Variants in NXN observed in about 807,000 individuals in gnomAD.
NXN encodes the protein nucleoredoxin.
In NXN, 16 loss-of-function variants were observed where a neutral mutation model predicts 48.6. The ratio of observed to expected loss-of-function variants is 0.33; its 90% confidence interval spans 0.22 to 0.50. The LOEUF is 0.50. Among genes scored for constraint, NXN ranks in the 20% least tolerant of loss-of-function variants. The probability of loss-of-function intolerance (pLI) is 0.98; values close to 1 mark genes in which losing one functional copy is unlikely to be tolerated. For synonymous variants in NXN, 281 were observed against 269.6 expected, an observed-to-expected ratio of 1.04 and a Z score of -0.41; for missense variants, 492 against 605.5, an observed-to-expected ratio of 0.81 and a Z score of 1.97.
At chr17:828,957 C>T (rs188477930) in intron 1 of NXN, among the ~76,000 whole-genome samples, 63 of 152,022 alleles carry the variant, frequency 4.1e-4, no homozygotes, top group Admixed American at 3.0e-3. Flanking sequence ...ACAGCAAAAC[C>T]ACACAAATTG....
At chr17:911,767 A>AT (rs71371591) in intron 1 of NXN, among the ~76,000 whole-genome samples, 11,484 of 142,370 alleles carry the variant, frequency 0.081, 931 homozygotes, top group African/African-American at 0.21. Flanking sequence ...GGCCCGGCCA[A>AT]TTTTTTTTTT....
chr17:952,048 G>A (rs970843091), intron 1 of NXN, among the ~76,000 whole-genome samples: 3 of 152,214 alleles, frequency 2.0e-5, no homozygotes, highest in Non-Finnish European at 2.9e-5. Flanking sequence ...CTGAAAGAAG[G>A]GGCGTTTCCG....
At chr17:854,475 T>C (rs796274172) in intron 1 of NXN, among the ~76,000 whole-genome samples, 1,580 of 147,184 alleles carry the variant, frequency 0.011, 25 homozygotes, top group African/African-American at 0.037. Flanking sequence ...GGTGAAACCC[T>C]GTCTCTACTA....
At chr17:823,035 G>A (rs1376565140) in intron 3 of NXN, among the ~76,000 whole-genome samples, 2 of 151,930 alleles carry the variant, frequency 1.3e-5, no homozygotes, top group African/African-American at 4.8e-5. Flanking sequence ...GGGAGACAGA[G>A]GGTGCGGTGA....
rs923305905 is a variant in NXN at position 978,175 on chromosome 17, C to A, written c.360+1144G>T. 3.9e-5 allele frequency: 6 copies of A among 152,202 alleles called. No homozygotes were observed. Among genetic ancestry groups the A allele is most frequent in the African/African-American group, 1.4e-4 (6 of 41,440 alleles). The allele number at this position is 152,202 out of a possible 1,614,324, so 9.4% of individuals were successfully genotyped here. A position where few individuals can be genotyped will look rare whatever the true frequency, so the allele number is the denominator to read the frequency against. ...GCTCCCCAGAGGAAACTAAACGCCC[C>A]CAGAATAGCCCTTCTGTCCACTCCA... On this transcript the variant is annotated intron_variant, in intron 1 of 7. Coordinates refer to ENST00000336868, the MANE Select transcript of NXN (RefSeq NM_022463.5). The surrounding 1 kb of genome is among the most constrained non-coding windows in gnomAD (Gnocchi z 4.1).
In NXN at chr17:919,627, G is replaced by A. The variant is rs77681877; in HGVS notation, c.360+59692C>T. ...CTCGGAATCCCCGCATTCGTCCCACGCGGCCCTCAGACACGGGCTCTGGTT... is the reference window on the plus strand; with the variant it reads ...CTCGGAATCCCCGCATTCGTCCCACACGGCCCTCAGACACGGGCTCTGGTT... On this transcript the variant is annotated intron_variant, in intron 1 of 7. Coordinates refer to ENST00000336868, the MANE Select transcript of NXN (RefSeq NM_022463.5). The surrounding 1 kb of genome is among the most constrained non-coding windows in gnomAD (Gnocchi z 5.1). 8.3e-3 allele frequency among the ~76,000 whole-genome samples: 1,267 copies of A among 152,116 alleles called. 20 individuals are homozygous for A. Among genetic ancestry groups the A allele is most frequent in the African/African-American group, 0.029 (1,192 of 41,486 alleles).
chr17:964,621 G>A (rs539490801), intron 1 of NXN, among the ~76,000 whole-genome samples: 3 of 152,272 alleles, frequency 2.0e-5, no homozygotes, highest in Non-Finnish European at 2.9e-5. Context: ...TCACCCTCAC[G>A]CCTACATCTG....
At chr17:927,025 AAAGT>A (rs148546277) in intron 1 of NXN, among the ~76,000 whole-genome samples, 14,691 of 152,058 alleles carry the variant, frequency 0.097, 810 homozygotes, top group Middle Eastern at 0.16. Flanking sequence ...AAGAGAAGCA[AAAGT>A]AAGGCCAGGT....
At position 823,641 on chromosome 17, in the gene NXN, G is replaced by A. The variant is rs143140734; in HGVS notation, c.603C>T (p.Ser201=). 4.0e-5 allele frequency: 65 copies of A among 1,613,886 alleles called. 1 individual carries two copies. The African/African-American group carries it at 4.7e-4, about 12-fold the overall frequency. Residue 201 remains serine, a synonymous_variant, in exon 3 of 8, where the codon TCC becomes TCT. Coordinates refer to ENST00000336868, the MANE Select transcript of NXN (RefSeq NM_022463.5). The part of the protein sequence containing the change: ...LEGSHVGVYF[S]AHWCPPCRSL... The stretch of plus-strand genomic sequence containing the variant: ...GGGTCCAAACACTCACCCAATGTGC[G>A]GAGAAATAGACGCCCACGTGAGACC...
At chr17:937,183 C>T (rs2068917012) in intron 1 of NXN, among the ~76,000 whole-genome samples, 1 of 152,074 alleles carries the variant, frequency 6.6e-6, no homozygotes, top group South Asian at 2.1e-4. Context: ...GGGGTTTCAT[C>T]ATGTTGGCCG....
At chr17:818,729 C>G (rs1160922882) in intron 5 of NXN, among the ~76,000 whole-genome samples, 1 of 151,934 alleles carries the variant, frequency 6.6e-6, no homozygotes, top group Non-Finnish European at 1.5e-5. Flanking sequence ...ACTAAAAATA[C>G]AAAAAATTTA....
intron 1 of NXN, among the ~76,000 whole-genome samples, chr17:876,972 CG>C (rs1233658120): frequency 6.6e-6 from 1 of 151,696 alleles, no homozygotes; most frequent in Non-Finnish European, 1.5e-5. Flanking sequence ...GGTGTGAACT[CG>C]GGAGGCTGAG....
chr17:904,299 C>T (rs200796989), intron 1 of NXN, among the ~76,000 whole-genome samples: 1 of 105,702 alleles, frequency 9.5e-6, no homozygotes, highest in African/African-American at 4.2e-5. Context: ...ACGTCGGACG[C>T]CGTCCGGCTT....
chr17:909,004 CAGG>C (rs1299354092), intron 1 of NXN, among the ~76,000 whole-genome samples: 1 of 147,906 alleles, frequency 6.8e-6, no homozygotes, highest in African/African-American at 2.5e-5. Flanking sequence ...TACTCGGGGG[CAGG>C]AGAAGTGCTT....
At chr17:896,854 A>AGCGGGGG in intron 1 of NXN, 1 of 908,608 alleles carries the variant, frequency 1.1e-6, no homozygotes. Context: ...CGCGGTCCTG[A>AGCGGGGG]CCACCCGCCC....
chr17:908,313 G>T (rs767105684), intron 1 of NXN, among the ~76,000 whole-genome samples: 11 of 151,750 alleles, frequency 7.2e-5, no homozygotes, highest in African/African-American at 2.4e-4. Flanking sequence ...TGAGGCAGGC[G>T]GATCATGAGG....
chr17:814,527 T>C (rs1912360365), intron 5 of NXN, among the ~76,000 whole-genome samples: 1 of 152,192 alleles, frequency 6.6e-6, no homozygotes, highest in East Asian at 1.9e-4. Context: ...AAGTGACAAG[T>C]GTCCGTCTTC....
At position 801,011 on chromosome 17, in the gene NXN, C is replaced by G; in HGVS notation, c.1246G>C (p.Ala416Pro). ...YVMDVEEITPAIVEAFVNDFL... is the reference protein window; with the variant it reads ...YVMDVEEITPPIVEAFVNDFL... ...TCATTCACAAAGGCCTCCACGATGG[C>G]GGGGGTGATCTCCTCCACGTCCATC... Residue 416 changes from alanine to proline, a missense_variant, in exon 8 of 8, where the codon GCC becomes CCC. By Grantham distance (27) the Ala-to-Pro change is conservative (BLOSUM62 -1). This residue lies in a region of NXN where 303 missense variants were observed against 388.3 expected (regional missense o/e 0.78). Transcript: ENST00000336868. The G allele has an allele frequency of 6.4e-7, 1 of 1,565,170 alleles. No individual in the cohort carries two copies. Among genetic ancestry groups the G allele is most frequent in the Non-Finnish European group, 8.7e-7 (1 of 1,153,688 alleles).
At chr17:813,230 T>C (rs1047986048) in intron 5 of NXN, among the ~76,000 whole-genome samples, 1 of 152,260 alleles carries the variant, frequency 6.6e-6, no homozygotes, top group Admixed American at 6.5e-5. Context: ...CGGCCCAGCC[T>C]GGCCACATTT....
Sources: allele counts gnomAD v4.1 joint callset (sites outside exome capture counted in the v4.1 genomes callset), GRCh38; gene constraint gnomAD v4.1.1; regional missense constraint gnomAD v4.1.1; non-coding constraint Gnocchi (gnomAD v3.1); transcripts MANE v1.5; gene names NCBI Gene and HGNC (gene_info 2026-07-23, HGNC 2026-07-21).